Variants in VEPH1 observed in about 807,000 individuals in gnomAD.
The protein encoded by VEPH1 is ventricular zone expressed PH domain containing 1.
VEPH1 carries 80 observed loss-of-function variants against 85.2 expected under a neutral mutation model. The ratio of observed to expected loss-of-function variants is 0.94; its 90% CI spans 0.78 to 1.13. The LOEUF (loss-of-function observed/expected upper bound fraction) is 1.13, where lower values mean the gene tolerates loss of function less well. Ranked by LOEUF, VEPH1 falls within the 50% of genes most tolerant of loss-of-function variation. VEPH1 has a pLI of 0.00. For synonymous variants in VEPH1, 297 were observed against 348.0 expected (o/e 0.85, Z 1.63); for missense variants, 955 against 980.5 (o/e 0.97, Z 0.35).
chr3:157,484,829 T>A (rs1397245126), intron 2 of VEPH1, among the ~76,000 whole-genome samples: 1 of 152,150 alleles, frequency 6.6e-6, no homozygotes, highest in East Asian at 1.9e-4. Flanking sequence ...GAGAAGAGAC[T>A]GCCAGTTAAA....
At chr3:157,468,002 T>C (rs1736550306) in intron 3 of VEPH1, among the ~76,000 whole-genome samples, 1 of 152,184 alleles carries the variant, frequency 6.6e-6, no homozygotes, top group Non-Finnish European at 1.5e-5. Flanking sequence ...GAATAAAACA[T>C]CCCATCTAAC....
At chr3:157,280,849 T>G (rs915948319) in intron 12 of VEPH1, among the ~76,000 whole-genome samples, 1 of 152,232 alleles carries the variant, frequency 6.6e-6, no homozygotes, top group Non-Finnish European at 1.5e-5. Flanking sequence ...AATGAATTTC[T>G]CAATCACTCA....
At chr3:157,297,687 A>G (rs907001776) in intron 11 of VEPH1, among the ~76,000 whole-genome samples, 2 of 152,138 alleles carry the variant, frequency 1.3e-5, no homozygotes, top group African/African-American at 2.4e-5. Flanking sequence ...TAGAAATGGG[A>G]TGGCATAAGG....
At chr3:157,476,251 G>C (rs1737466285) in intron 2 of VEPH1, among the ~76,000 whole-genome samples, 2 of 152,204 alleles carry the variant, frequency 1.3e-5, no homozygotes, top group African/African-American at 4.8e-5. Context: ...TCACTTGGTG[G>C]CAAGTTATTT....
Position 157,437,838 on chromosome 3 carries a change from G to A in VEPH1, c.530-9350C>T, listed in dbSNP as rs756046694. On this transcript the variant is annotated intron_variant, in intron 4 of 13. Transcript: ENST00000362010. The stretch of plus-strand genomic sequence containing the variant: ...AGGCGGGGCGCGCCCTGGCCGCGGT[G>A]CTAGAGGAGCTGCGGCAGACGCGAG... The A allele has an allele frequency of 7.4e-6, 11 of 1,495,882 alleles. No homozygotes were observed. In the South Asian group the frequency reaches 1.1e-4, roughly 15 times the overall value. 92.7% of individuals were successfully genotyped at this position (1,495,882 alleles called of 1,614,324 possible).
intron 7 of VEPH1, among the ~76,000 whole-genome samples, chr3:157,375,797 T>C (rs1728026263): frequency 6.6e-6 from 1 of 152,194 alleles, no homozygotes; most frequent in African/African-American, 2.4e-5. Context: ...CTTTCTGTTT[T>C]CAGGCCTGAT....
At position 157,442,862 on chromosome 3, in the gene VEPH1, T is replaced by C. The variant is rs892442279; in HGVS notation, c.530-14374A>G. On this transcript the variant is annotated intron_variant, in intron 4 of 13. Transcript: ENST00000362010. The stretch of plus-strand genomic sequence containing the variant: ...GCTTCAATATCTGGGATAGTGTTCT[T>C]AGCAATGAAGAGATAAGAGAGACCG... 15 of 1,614,050 alleles carry C rather than the reference T, an allele frequency of 9.3e-6. No homozygotes were observed. The African/African-American group carries it at 1.6e-4, about 17-fold the overall frequency.
intron 4 of VEPH1, among the ~76,000 whole-genome samples, chr3:157,439,231 A>G (rs1045868434): frequency 5.9e-5 from 9 of 152,230 alleles, no homozygotes; most frequent in Middle Eastern, 3.2e-3. Context: ...CATATAATGC[A>G]CCTGAAAAAC....
At position 157,275,574 on chromosome 3, in the gene VEPH1, C is replaced by CA. The variant is rs34683804; in HGVS notation, c.2129-9913dup. On this transcript the variant is annotated intron_variant, in intron 12 of 13. Coordinates refer to ENST00000362010, the MANE Select transcript of VEPH1 (RefSeq NM_001167912.2). ...CTGGTGGCACAGGGACACTCCATTT[C>CA]AAAAAAAACCAACAAAAAATATATA... 4.9e-5 allele frequency among the ~76,000 whole-genome samples: 7 copies of CA among 142,004 alleles called. No homozygotes were observed. In the South Asian group the frequency reaches 1.1e-3, roughly 22 times the overall value. The allele number at this position is 142,004 out of a possible 152,430, so 93.2% of individuals were successfully genotyped here. A position where few individuals can be genotyped will look rare whatever the true frequency, so the allele number is the denominator to read the frequency against.
intron 4 of VEPH1, among the ~76,000 whole-genome samples, chr3:157,432,616 T>C (rs1461658643): frequency 6.6e-6 from 1 of 152,214 alleles, no homozygotes; most frequent in Non-Finnish European, 1.5e-5. Flanking sequence ...TGTTTGGGTC[T>C]GTTTCTGGGC....
At chr3:157,397,895 T>C (rs762050609) in intron 6 of VEPH1, among the ~76,000 whole-genome samples, 4 of 152,196 alleles carry the variant, frequency 2.6e-5, no homozygotes, top group Non-Finnish European at 5.9e-5. Context: ...GGGAAGATTT[T>C]CCTTTACCAC....
chr3:157,337,121 G>A (rs140632318), intron 9 of VEPH1, among the ~76,000 whole-genome samples: 4,148 of 150,498 alleles, frequency 0.028, 199 homozygotes, highest in African/African-American at 0.097. Flanking sequence ...ATTTATATAT[G>A]TATATAAATT....
chr3:157,329,530 TG>T (rs1722278326), intron 9 of VEPH1, among the ~76,000 whole-genome samples: 1 of 152,244 alleles, frequency 6.6e-6, no homozygotes. Flanking sequence ...TCTTTCAAGT[TG>T]TCTTCATGTA....
chr3:157,503,061 G>A (rs1740237473), intron 1 of VEPH1, among the ~76,000 whole-genome samples: 3 of 152,162 alleles, frequency 2.0e-5, no homozygotes, highest in African/African-American at 4.8e-5. Flanking sequence ...AACCCACAGA[G>A]AAGTGGCATT....
chr3:157,496,391 T>A (rs2109764447), intron 1 of VEPH1, among the ~76,000 whole-genome samples: 1 of 152,326 alleles, frequency 6.6e-6, no homozygotes, highest in East Asian at 1.9e-4. Context: ...TCATTTAATG[T>A]CCAGTGAGGT....
At chr3:157,330,503 A>G (rs1722378150) in intron 9 of VEPH1, among the ~76,000 whole-genome samples, 1 of 152,218 alleles carries the variant, frequency 6.6e-6, no homozygotes, top group Admixed American at 6.5e-5. Flanking sequence ...ATTGTTCTGT[A>G]TGAAAAAACT....
intron 4 of VEPH1, among the ~76,000 whole-genome samples, chr3:157,434,206 C>T (rs1733379234): frequency 6.6e-6 from 1 of 152,126 alleles, no homozygotes; most frequent in African/African-American, 2.4e-5. Context: ...GTGTTCTCTT[C>T]CTCCCCTCCA....
intron 11 of VEPH1, among the ~76,000 whole-genome samples, chr3:157,302,584 A>T (rs1448203327): frequency 6.6e-6 from 1 of 152,206 alleles, no homozygotes; most frequent in Non-Finnish European, 1.5e-5. Flanking sequence ...CGCACTAGAC[A>T]CTGAATCTGC....
chr3:157,487,286 C>T (rs1047725792), intron 2 of VEPH1, among the ~76,000 whole-genome samples: 2 of 151,956 alleles, frequency 1.3e-5, no homozygotes, highest in African/African-American at 2.4e-5. Flanking sequence ...AATACAGAAG[C>T]TGCCAAAAAA....
Sources: gnomAD v4.1 joint callset for allele counts (sites outside exome capture counted in the v4.1 genomes callset) on GRCh38, gnomAD v4.1.1 for gene constraint, MANE v1.5 for transcripts, NCBI Gene and HGNC (gene_info 2026-07-23, HGNC 2026-07-21) for gene names.